ZNRF1: variants seen among roughly 807,000 people sequenced by gnomAD.
ZNRF1 encodes the protein E3 ubiquitin-protein ligase ZNRF1.
A neutral mutation model predicts 18.4 loss-of-function variants in ZNRF1; 3 were observed. The ratio of observed to expected loss-of-function variants is 0.16; its 90% CI spans 0.07 to 0.42. The LOEUF (loss-of-function observed/expected upper bound fraction) is 0.42, where lower values mean the gene tolerates loss of function less well. Among genes scored for constraint, ZNRF1 ranks in the 10% least tolerant of loss-of-function variants. ZNRF1 has a pLI of 0.99. For missense variants in ZNRF1, 310 were observed against 329.8 expected, an observed-to-expected ratio of 0.94 and a Z score of 0.47; for synonymous variants, 157 against 144.2, an observed-to-expected ratio of 1.09 and a Z score of -0.64.
In ZNRF1 at chr16:75,038,500, C is replaced by T. The variant is rs181881154; in HGVS notation, c.424+38405C>T. Among the ~76,000 whole-genome samples, 8 of 152,278 alleles carry T rather than the reference C, an allele frequency of 5.3e-5. No individual in the cohort carries two copies. In the East Asian group the frequency reaches 7.7e-4, roughly 15 times the overall value. On this transcript the variant is annotated intron_variant, in intron 1 of 4. Coordinates refer to ENST00000335325, the MANE Select transcript of ZNRF1 (RefSeq NM_032268.5). ...ACATGATGTGGCTTTCTCCACCTTC[C>T]GTTGGTCAAAACAAGAATTTGGTTT...
intron 1 of ZNRF1, 96 bp downstream of exon 1, chr16:75,000,191 C>T (rs1433277681): frequency 3.4e-6 from 5 of 1,483,792 alleles, no homozygotes; most frequent in Non-Finnish European, 3.7e-6. Context: ...TAGTGCACGA[C>T]CGGGATCTGT....
In ZNRF1 at chr16:75,070,229, C is replaced by G. The variant is rs539795857; in HGVS notation, c.425-23343C>G. ...CTGGCCCCAGGAGCATAGGGACCTT[C>G]ATGTTTGGCAGGGCAGCAGGGCCGC... On this transcript the variant is annotated intron_variant, in intron 1 of 4. Transcript: ENST00000335325. 2.0e-5 allele frequency among the ~76,000 whole-genome samples: 3 copies of G among 152,300 alleles called. No individual in the cohort carries two copies. In the South Asian group the frequency reaches 6.2e-4, roughly 32 times the overall value.
chr16:75,016,273 CTG>C lies in ZNRF1; in HGVS notation c.424+16180_424+16181del, dbSNP rs2035066838. ...TTTATTTTTGAGACGGAGTCTCACT[CTG>C]TCGCCCAGGCTGGAGTGCAGTGGCG... On this transcript the variant is annotated intron_variant, in intron 1 of 4. Coordinates refer to ENST00000335325, the MANE Select transcript of ZNRF1 (RefSeq NM_032268.5). Among the ~76,000 whole-genome samples, 6 of 149,788 alleles carry C rather than the reference CTG, an allele frequency of 4.0e-5. No homozygotes were observed. In the South Asian group the frequency reaches 1.1e-3, roughly 26 times the overall value.
intron 2 of ZNRF1, among the ~76,000 whole-genome samples, chr16:75,094,690 T>C (rs1355002777): frequency 6.6e-6 from 1 of 152,180 alleles, no homozygotes; most frequent in African/African-American, 2.4e-5. Flanking sequence ...TAGGTTTCTT[T>C]TTGCAGTTTT....
chr16:75,091,307 G>A (rs1272949785), intron 1 of ZNRF1, among the ~76,000 whole-genome samples: 2 of 151,036 alleles, frequency 1.3e-5, no homozygotes, highest in African/African-American at 2.4e-5. Context: ...TGCAGTGAGC[G>A]GAGATCGTGC....
At chr16:75,086,991 C>T (rs1023078710) in intron 1 of ZNRF1, among the ~76,000 whole-genome samples, 4 of 152,146 alleles carry the variant, frequency 2.6e-5, no homozygotes, top group South Asian at 4.1e-4. Flanking sequence ...AGCAACACGC[C>T]GCCAGCACAT....
At chr16:75,032,235 G>A (rs1199377436) in intron 1 of ZNRF1, among the ~76,000 whole-genome samples, 1 of 150,270 alleles carries the variant, frequency 6.7e-6, no homozygotes, top group Admixed American at 6.8e-5. Context: ...TTAGCCTCCT[G>A]AGTAGCTGGG....
intron 1 of ZNRF1, among the ~76,000 whole-genome samples, chr16:75,068,172 G>C (rs2035826872): frequency 1.0e-5 from 1 of 100,214 alleles, no homozygotes; most frequent in African/African-American, 3.8e-5. Flanking sequence ...TGGTGAAAAA[G>C]AGCGAGACCT....
intron 1 of ZNRF1, among the ~76,000 whole-genome samples, chr16:75,075,884 A>G (rs2035934062): frequency 6.6e-6 from 1 of 152,220 alleles, no homozygotes; most frequent in African/African-American, 2.4e-5. Flanking sequence ...TGGGAGAGGA[A>G]GTGAAGATGG....
At chr16:75,097,063 AG>A (rs1182398764) in intron 2 of ZNRF1, among the ~76,000 whole-genome samples, 1 of 152,064 alleles carries the variant, frequency 6.6e-6, no homozygotes, top group Non-Finnish European at 1.5e-5. Flanking sequence ...TATAAGAGGG[AG>A]GGGGTTCGTT....
Position 75,049,317 on chromosome 16 carries a change from T to C in ZNRF1, c.425-44255T>C, listed in dbSNP as rs375211627. Among the ~76,000 whole-genome samples, 22 of 152,146 alleles carry C rather than the reference T, an allele frequency of 1.4e-4. 2 individuals carry two copies. Among genetic ancestry groups the C allele is most frequent in the South Asian group, 1.2e-3 (6 of 4,804 alleles). On this transcript the variant is annotated intron_variant, in intron 1 of 4. Transcript: ENST00000335325. ...CCACACCCGGCCTGGAATCCTTTTT[T>C]TTATGTCTTTAATCTTTTAAAAATT...
intron 2 of ZNRF1, chr16:75,095,864 A>C (rs1424272474): frequency 1.0e-6 from 1 of 959,608 alleles, no homozygotes; most frequent in East Asian, 2.9e-5. Context: ...ACCCCCCTAC[A>C]CCCCACCACC....
intron 1 of ZNRF1, among the ~76,000 whole-genome samples, chr16:75,071,287 A>T (rs1022727535): frequency 5.9e-5 from 9 of 152,116 alleles, no homozygotes; most frequent in Admixed American, 4.6e-4. Context: ...TTTAGTAGAG[A>T]CAGGGTTTCG....
At chr16:75,057,459 G>T (rs915091335) in intron 1 of ZNRF1, among the ~76,000 whole-genome samples, 5 of 152,072 alleles carry the variant, frequency 3.3e-5, no homozygotes, top group African/African-American at 1.2e-4. Flanking sequence ...CAGGGGCTTG[G>T]CCTGTTTGGT....
chr16:75,097,081 T>C (rs1422440399), intron 2 of ZNRF1, among the ~76,000 whole-genome samples: 1 of 152,082 alleles, frequency 6.6e-6, no homozygotes, highest in African/African-American at 2.4e-5. Context: ...CGTTGGTTTG[T>C]TTTTGTGGGT....
intron 1 of ZNRF1, among the ~76,000 whole-genome samples, chr16:75,023,697 C>CAAACA (rs2035184367): frequency 1.3e-5 from 2 of 148,682 alleles, no homozygotes; most frequent in South Asian, 2.1e-4. Flanking sequence ...AACAAACAAA[C>CAAACA]AAAAAAAACA....
chr16:75,023,767 A>AC (rs1264784124), intron 1 of ZNRF1, among the ~76,000 whole-genome samples: 1 of 151,244 alleles, frequency 6.6e-6, no homozygotes, highest in Non-Finnish European at 1.5e-5. Context: ...AGAGCCACTG[A>AC]CCCCCAACCT....
rs1342081020 is a variant in ZNRF1, at chr16:74,999,918, G to A, written c.247G>A (p.Glu83Lys). ...CGCCTCCCGGGGCACCGGCGACTCC[G>A]AGAGGGCGCCCGGCGGCGGAGGGTC... ...TPASRGTGDS[E>K]RAPGGGGSAS... Residue 83 changes from glutamate to lysine, a missense_variant, in exon 1 of 5, where the codon GAG becomes AAG. Around this residue, in one of 2 missense-constraint regions of ZNRF1, gnomAD observed 293 missense variants for 291.2 expected, o/e 1.01. Transcript: ENST00000335325. 3.2e-6 allele frequency: 5 copies of A among 1,556,258 alleles called. No homozygotes were observed. The highest frequency in any genetic ancestry group is 2.4e-5 in the South Asian group (2 of 84,866).
intron 1 of ZNRF1, among the ~76,000 whole-genome samples, chr16:75,007,737 G>C (rs1372276865): frequency 6.6e-6 from 1 of 152,170 alleles, no homozygotes; most frequent in East Asian, 1.9e-4. Flanking sequence ...AAATGAACCT[G>C]AAAACAAGAA....
Sources: allele counts gnomAD v4.1 joint callset (sites outside exome capture counted in the v4.1 genomes callset), GRCh38; gene constraint gnomAD v4.1.1; regional missense constraint gnomAD v4.1.1; transcripts MANE v1.5; gene names NCBI Gene and HGNC (gene_info 2026-07-23, HGNC 2026-07-21).